The following TYR variants were observed in gnomAD, a reference collection of about 807,000 sequenced individuals.
TYR encodes the protein LB24-AB.
Under a neutral mutation model 51.5 loss-of-function variants are expected in TYR, and 58 were observed. The observed-to-expected ratio is 1.13, with a 90% CI of 0.91 to 1.40. The LOEUF is 1.40. Ranked by LOEUF, TYR falls within the 40% of genes most tolerant of loss-of-function variation. The pLI is 0.00. For missense variants in TYR, 732 were observed against 647.4 expected (o/e 1.13, Z -1.42); for synonymous variants, 263 against 235.2 (o/e 1.12, Z -1.08).
intron 1 of TYR, among the ~76,000 whole-genome samples, chr11:89,190,397 T>G (rs1210650731): frequency 1.3e-5 from 2 of 152,154 alleles, no homozygotes. Flanking sequence ...GTGTGTATGC[T>G]TGTGTCTCAG....
chr11:89,247,796 C>T (rs1312421276), intron 3 of TYR, among the ~76,000 whole-genome samples: 1 of 152,128 alleles, frequency 6.6e-6, no homozygotes, highest in Non-Finnish European at 1.5e-5. Context: ...GTGGAATATA[C>T]TCAACATAGC....
At chr11:89,201,721 A>G (rs969054866) in intron 2 of TYR, among the ~76,000 whole-genome samples, 1 of 152,242 alleles carries the variant, frequency 6.6e-6, no homozygotes, top group Non-Finnish European at 1.5e-5. Flanking sequence ...GCAAAATCAC[A>G]TCATAGTATC....
intron 3 of TYR, among the ~76,000 whole-genome samples, chr11:89,270,063 T>C (rs1944570613): frequency 6.6e-6 from 1 of 151,940 alleles, no homozygotes; most frequent in Admixed American, 6.6e-5. Context: ...CAATGGCTCC[T>C]CACAGCTTTT....
intron 3 of TYR, among the ~76,000 whole-genome samples, chr11:89,278,921 G>A (rs183299521): frequency 6.6e-6 from 1 of 151,748 alleles, no homozygotes; most frequent in East Asian, 2.0e-4. Context: ...CAACTTCGAG[G>A]AGTACTGCTC....
chr11:89,273,447 G>T (rs1156675254), intron 3 of TYR, among the ~76,000 whole-genome samples: 3 of 151,812 alleles, frequency 2.0e-5, no homozygotes, highest in Non-Finnish European at 2.9e-5. Context: ...CATCTTATAT[G>T]GATGTGGTTT....
intron 2 of TYR, among the ~76,000 whole-genome samples, chr11:89,209,785 G>T (rs1206859605): frequency 6.6e-6 from 1 of 152,100 alleles, no homozygotes; most frequent in Non-Finnish European, 1.5e-5. Context: ...AGCAATATTT[G>T]CTGTTCTGCA....
chr11:89,199,602 T>A (rs901521814), intron 2 of TYR, among the ~76,000 whole-genome samples: 1 of 152,216 alleles, frequency 6.6e-6, no homozygotes, highest in Admixed American at 6.5e-5. Flanking sequence ...GGGCATCTAC[T>A]TCCTCATTTA....
intron 3 of TYR, among the ~76,000 whole-genome samples, chr11:89,250,310 G>A (rs912967392): frequency 1.3e-5 from 2 of 151,684 alleles, no homozygotes; most frequent in African/African-American, 4.8e-5. Context: ...CTTTTTTAAA[G>A]TCTGAAGGCG....
intron 3 of TYR, among the ~76,000 whole-genome samples, chr11:89,242,326 G>A (rs1944208370): frequency 6.6e-6 from 1 of 152,080 alleles, no homozygotes; most frequent in South Asian, 2.1e-4. Context: ...TTCTTCCCCA[G>A]CCTCCTGAGC....
At chr11:89,282,004 C>T (rs1944726451) in intron 3 of TYR, among the ~76,000 whole-genome samples, 1 of 151,718 alleles carries the variant, frequency 6.6e-6, no homozygotes. Context: ...CTATTCTAGT[C>T]ATGGTTTGGT....
chr11:89,288,406 G>A (rs1847142), intron 4 of TYR, among the ~76,000 whole-genome samples: 39,114 of 151,698 alleles, frequency 0.26, 5,307 homozygotes, highest in Non-Finnish European at 0.31. Context: ...TGTCTTCTAC[G>A]CATATGCTCC....
At chr11:89,271,619 A>C (rs1372531700) in intron 3 of TYR, among the ~76,000 whole-genome samples, 1 of 151,900 alleles carries the variant, frequency 6.6e-6, no homozygotes, top group Non-Finnish European at 1.5e-5. Context: ...GAGTGGATGC[A>C]ACAATTTCTT....
At chr11:89,229,029 TA>T (rs1489090001) in intron 3 of TYR, among the ~76,000 whole-genome samples, 1 of 152,068 alleles carries the variant, frequency 6.6e-6, no homozygotes, top group Admixed American at 6.6e-5. Flanking sequence ...TCCTCTTGGG[TA>T]AAAATAAGAG....
chr11:89,189,816 T>C (rs187118569), intron 1 of TYR, among the ~76,000 whole-genome samples: 1 of 152,276 alleles, frequency 6.6e-6, no homozygotes, highest in East Asian at 1.9e-4. Flanking sequence ...TTCCAGGTTT[T>C]AACTTTTATG....
At chr11:89,211,657 C>G (rs533712751) in intron 2 of TYR, among the ~76,000 whole-genome samples, 15 of 152,116 alleles carry the variant, frequency 9.9e-5, no homozygotes, top group African/African-American at 3.6e-4. Context: ...ACGTTCTTCT[C>G]GGCACCACAT....
At chr11:89,279,088 A>G (rs1177438945) in intron 3 of TYR, among the ~76,000 whole-genome samples, 10 of 151,650 alleles carry the variant, frequency 6.6e-5, no homozygotes, top group Non-Finnish European at 1.3e-4. Flanking sequence ...TGTACCCCAA[A>G]GTATGGTGCC....
intron 3 of TYR, among the ~76,000 whole-genome samples, chr11:89,280,220 A>G (rs2135321059): frequency 6.6e-6 from 1 of 151,824 alleles, no homozygotes; most frequent in Non-Finnish European, 1.5e-5. Flanking sequence ...TTCTTCGAGG[A>G]ACCCCAGTTC....
intron 3 of TYR, among the ~76,000 whole-genome samples, chr11:89,277,382 C>A (rs1004549932): frequency 6.6e-6 from 1 of 151,740 alleles, no homozygotes; most frequent in Non-Finnish European, 1.5e-5. Context: ...GTGATTGTCA[C>A]GTCATCTGTC....
chr11:89,184,977 C>T (rs1348678467), intron 1 of TYR, among the ~76,000 whole-genome samples: 1 of 152,108 alleles, frequency 6.6e-6, no homozygotes, highest in African/African-American at 2.4e-5. Flanking sequence ...TTTATACATG[C>T]TTATAGATAG....
Sources: gnomAD v4.1 joint callset for allele counts (sites outside exome capture counted in the v4.1 genomes callset) on GRCh38, gnomAD v4.1.1 for gene constraint, MANE v1.5 for transcripts, NCBI Gene and HGNC (gene_info 2026-07-23, HGNC 2026-07-21) for gene names.